COMMD1: variants seen among roughly 807,000 people sequenced by gnomAD.
COMMD1 encodes copper metabolism domain containing 1, also known as COMM domain-containing protein 1.
A neutral mutation model predicts 17.2 loss-of-function variants in COMMD1; 10 were observed. The ratio of observed to expected loss-of-function variants is 0.58; its 90% CI spans 0.36 to 0.99. The LOEUF is 0.99. Among genes scored for constraint, COMMD1 ranks in the 50% least tolerant of loss-of-function variants. COMMD1 has a pLI of 0.01. For missense variants in COMMD1, 270 were observed against 231.8 expected (o/e 1.17, Z -1.07); for synonymous variants, 97 against 91.6 (o/e 1.06, Z -0.34).
intron 2 of COMMD1, among the ~76,000 whole-genome samples, chr2:62,129,145 T>C (rs1286192892): frequency 6.6e-6 from 1 of 152,176 alleles, no homozygotes; most frequent in Non-Finnish European, 1.5e-5. Context: ...GACTTAGCTT[T>C]ATGTGTGTAC....
intron 2 of COMMD1, among the ~76,000 whole-genome samples, chr2:62,061,824 G>A (rs1021505591): frequency 1.3e-5 from 2 of 151,698 alleles, no homozygotes; most frequent in African/African-American, 4.8e-5. Context: ...CCTCCCAAAT[G>A]TTGTGTCTTT....
At chr2:62,075,953 G>T (rs1378665269) in intron 2 of COMMD1, among the ~76,000 whole-genome samples, 2 of 152,218 alleles carry the variant, frequency 1.3e-5, no homozygotes, top group African/African-American at 2.4e-5. Context: ...CCACTCTGTT[G>T]TAAGTTCCTA....
At chr2:62,096,322 T>C (rs1203986694) in intron 2 of COMMD1, among the ~76,000 whole-genome samples, 3 of 152,208 alleles carry the variant, frequency 2.0e-5, no homozygotes, top group Non-Finnish European at 2.9e-5. Flanking sequence ...CTGATGATCT[T>C]TATCAGCAGA....
At chr2:62,073,986 C>A (rs895652757) in intron 2 of COMMD1, among the ~76,000 whole-genome samples, 5 of 152,120 alleles carry the variant, frequency 3.3e-5, no homozygotes, top group African/African-American at 1.2e-4. Flanking sequence ...CATGAGCCAC[C>A]GTGCTAAGCT....
intron 2 of COMMD1, among the ~76,000 whole-genome samples, chr2:62,002,410 G>C (rs1225666249): frequency 3.2e-5 from 4 of 124,364 alleles, no homozygotes; most frequent in Admixed American, 1.9e-4. Flanking sequence ...AGAATCGCTT[G>C]AATCCGGGAG....
chr2:61,957,775 C>T (rs553117769), intron 1 of COMMD1, among the ~76,000 whole-genome samples: 3 of 152,246 alleles, frequency 2.0e-5, no homozygotes, highest in Admixed American at 2.0e-4. Context: ...TAAATCCATT[C>T]TCTAATAAAC....
chr2:61,893,933 G>A (rs773023840), intron 1 of COMMD1, among the ~76,000 whole-genome samples: 1 of 152,086 alleles, frequency 6.6e-6, no homozygotes, highest in Non-Finnish European at 1.5e-5. Flanking sequence ...GCACAGTGGT[G>A]TGTGCCTGTA....
At chr2:62,009,876 T>C (rs1317224224) in intron 2 of COMMD1, among the ~76,000 whole-genome samples, 1 of 152,160 alleles carries the variant, frequency 6.6e-6, no homozygotes, top group Non-Finnish European at 1.5e-5. Flanking sequence ...TTCTTGTGAA[T>C]TCTAGTGAAT....
intron 1 of COMMD1, among the ~76,000 whole-genome samples, chr2:61,962,263 G>T (rs1250209980): frequency 1.3e-5 from 2 of 152,144 alleles, no homozygotes; most frequent in Non-Finnish European, 2.9e-5. Context: ...CAGTGTTCTT[G>T]GAGCCTGTTG....
intron 2 of COMMD1, among the ~76,000 whole-genome samples, chr2:62,066,721 A>G (rs1671054089): frequency 1.4e-5 from 2 of 140,544 alleles, no homozygotes; most frequent in African/African-American, 5.4e-5. Flanking sequence ...TCAAATGTAT[A>G]TAGATTTTTT....
chr2:62,025,304 T>C (rs932743236), intron 2 of COMMD1, among the ~76,000 whole-genome samples: 2 of 151,088 alleles, frequency 1.3e-5, no homozygotes, highest in Admixed American at 1.3e-4. Flanking sequence ...GGCAGGAGGA[T>C]CATGTTAGGC....
chr2:62,003,706 G>A (rs1014735691), intron 2 of COMMD1, among the ~76,000 whole-genome samples: 5 of 150,812 alleles, frequency 3.3e-5, no homozygotes, highest in East Asian at 1.9e-4. Context: ...TATTTATATC[G>A]GCTATTTAGT....
At chr2:62,042,560 A>T (rs1670255285) in intron 2 of COMMD1, among the ~76,000 whole-genome samples, 1 of 151,956 alleles carries the variant, frequency 6.6e-6, no homozygotes, top group Non-Finnish European at 1.5e-5. Flanking sequence ...CCCACCCGGA[A>T]CCCGCGAGCG....
chr2:61,900,389 T>G (rs1223021029), intron 1 of COMMD1, among the ~76,000 whole-genome samples: 1 of 152,224 alleles, frequency 6.6e-6, no homozygotes, highest in Non-Finnish European at 1.5e-5. Flanking sequence ...AAAGAAATGT[T>G]GAAGATAAGG....
intron 2 of COMMD1, among the ~76,000 whole-genome samples, chr2:62,064,631 T>G (rs1320349841): frequency 6.6e-6 from 1 of 152,230 alleles, no homozygotes; most frequent in Non-Finnish European, 1.5e-5. Context: ...CAATTCCCTC[T>G]CTGGCTTGTA....
intron 2 of COMMD1, among the ~76,000 whole-genome samples, chr2:62,055,663 G>A (rs1022741704): frequency 6.6e-6 from 1 of 152,224 alleles, no homozygotes; most frequent in African/African-American, 2.4e-5. Flanking sequence ...TGCATTGAGA[G>A]CATCATTCTT....
At chr2:62,086,501 A>G (rs1334840349) in intron 2 of COMMD1, among the ~76,000 whole-genome samples, 3 of 141,144 alleles carry the variant, frequency 2.1e-5, no homozygotes, top group Non-Finnish European at 1.5e-5. Flanking sequence ...ACTGAGCAAG[A>G]CTCCGTCTCA....
At chr2:62,060,340 A>G (rs984745033) in intron 2 of COMMD1, among the ~76,000 whole-genome samples, 9 of 152,144 alleles carry the variant, frequency 5.9e-5, no homozygotes, top group Non-Finnish European at 8.8e-5. Context: ...CCAAAAATAA[A>G]TAAATAAATA....
intron 2 of COMMD1, among the ~76,000 whole-genome samples, chr2:62,120,787 G>T (rs978302723): frequency 1.3e-5 from 2 of 151,830 alleles, no homozygotes; most frequent in East Asian, 1.9e-4. Context: ...GTGCAGTGGC[G>T]CAAACACAGC....
Sources: allele counts gnomAD v4.1 joint callset (sites outside exome capture counted in the v4.1 genomes callset), GRCh38; gene constraint gnomAD v4.1.1; transcripts MANE v1.5; gene names NCBI Gene and HGNC (gene_info 2026-07-23, HGNC 2026-07-21).